MTR: variants seen among roughly 807,000 people sequenced by gnomAD.
MTR encodes the protein 5-methyltetrahydrofolate-homocysteine methyltransferase, also known as methionine synthase.
In MTR, 84 loss-of-function variants were observed where a neutral mutation model predicts 154.8. The observed-to-expected ratio is 0.54, with a 90% CI of 0.45 to 0.65. MTR has a LOEUF of 0.65. Ranked by LOEUF, MTR falls within the 30% of genes least tolerant of loss-of-function variation. MTR has a pLI of 0.00. For missense variants in MTR, 1,275 were observed against 1,570.2 expected (o/e 0.81, Z 3.18); for synonymous variants, 554 against 553.9 (o/e 1.00, Z 0.00).
Position 236,859,838 on chromosome 1 carries a change from A to C in MTR, c.1959A>C (p.Gln653His), listed in dbSNP as rs562769000. Reference protein sequence around the residue: ...TEKLLRYAQTQGTGGKKVIQT... With the variant: ...TEKLLRYAQTHGTGGKKVIQT... ...TGGTTTCAATTTCAATTCAGACTCA[A>C]GGCACAGGAGGGAAGAAAGTCATTC... The change falls in exon 19 of 33, where the codon CAA becomes CAC. Residue 653 changes from glutamine to histidine, a missense_variant. Gln to His is a conservative substitution (Grantham distance 24, BLOSUM62 0). Transcript: ENST00000366577. 1.7e-4 allele frequency: 273 copies of C among 1,613,692 alleles called. 6 individuals are homozygous for C. In the South Asian group the frequency reaches 2.9e-3, roughly 17 times the overall value.
chr1:236,820,373 ATT>A, intron 8 of MTR: 1 of 786,134 alleles, frequency 1.3e-6, no homozygotes, highest in Non-Finnish European at 2.3e-6. Flanking sequence ...GAGGTTGCAG[ATT>A]GGTCTGAGGC....
At chr1:236,859,003 A>G (rs185727125) in intron 18 of MTR, among the ~76,000 whole-genome samples, 1 of 152,328 alleles carries the variant, frequency 6.6e-6, no homozygotes, top group African/African-American at 2.4e-5. Context: ...CCCTTGACAT[A>G]TACTCCCTTT....
At chr1:236,840,078 G>A (rs1663143040) in intron 15 of MTR, among the ~76,000 whole-genome samples, 1 of 152,144 alleles carries the variant, frequency 6.6e-6, no homozygotes, top group South Asian at 2.1e-4. Flanking sequence ...TAGTAGGATT[G>A]TATGTACTTT....
At chr1:236,883,418 C>T (rs1665859986) in intron 25 of MTR, among the ~76,000 whole-genome samples, 1 of 152,080 alleles carries the variant, frequency 6.6e-6, no homozygotes, top group African/African-American at 2.4e-5. Context: ...CAAACTGCAG[C>T]GGTATGTTCT....
intron 27 of MTR, among the ~76,000 whole-genome samples, chr1:236,887,702 G>A (rs1666093285): frequency 1.3e-5 from 2 of 152,238 alleles, no homozygotes; most frequent in East Asian, 1.9e-4. Flanking sequence ...CTGCCCCAGG[G>A]CCATGGGCCA....
rs1666673214 is a variant in MTR at position 236,897,212 on chromosome 1, G to A, written c.3711+94G>A. ...AAATGTGAATGAGAATAAAGTGAGG[G>A]GAAAGGATGAAGAAATTTACTCCAG... On this transcript the variant is annotated intron_variant, in intron 32 of 32. Transcript: ENST00000366577. 11 of 1,016,910 alleles carry A rather than the reference G, an allele frequency of 1.1e-5. No homozygotes were observed. In the South Asian group the frequency reaches 1.1e-4, roughly 11 times the overall value. The allele number at this position is 1,016,910 out of a possible 1,614,324, so 63.0% of individuals were successfully genotyped here.
chr1:236,800,055 T>C, intron 1 of MTR: 1 of 985,324 alleles, frequency 1.0e-6, no homozygotes, highest in East Asian at 1.1e-4. Context: ...AGCTTATTAT[T>C]TCTGGATTGA....
intron 24 of MTR, among the ~76,000 whole-genome samples, chr1:236,880,271 G>A (rs1665653502): frequency 6.6e-6 from 1 of 152,236 alleles, no homozygotes; most frequent in South Asian, 2.1e-4. Context: ...TGGGGTTGGG[G>A]CTGAGGAGTG....
intron 11 of MTR, among the ~76,000 whole-genome samples, chr1:236,827,436 G>A (rs1208902209): frequency 2.0e-5 from 3 of 152,120 alleles, no homozygotes; most frequent in Non-Finnish European, 4.4e-5. Flanking sequence ...AATTTTCAAT[G>A]TTTTTCCATT....
chr1:236,875,107 A>C (rs1665357259), intron 24 of MTR, among the ~76,000 whole-genome samples: 3 of 151,906 alleles, frequency 2.0e-5, no homozygotes, highest in Admixed American at 1.3e-4. Flanking sequence ...TTTTCTTAAC[A>C]CTCTCACTTG....
intron 6 of MTR, among the ~76,000 whole-genome samples, chr1:236,814,532 T>A (rs1661481121): frequency 6.6e-6 from 1 of 152,214 alleles, no homozygotes; most frequent in South Asian, 2.1e-4. Context: ...GAGAGCTAAC[T>A]TTTTTCCTTT....
At chr1:236,797,245 C>T (rs1660445887) in intron 1 of MTR, among the ~76,000 whole-genome samples, 1 of 152,252 alleles carries the variant, frequency 6.6e-6, no homozygotes, top group African/African-American at 2.4e-5. Flanking sequence ...GTTTTAACTT[C>T]CTAATAACCC....
chr1:236,829,390 T>C (rs1461496568), intron 12 of MTR, 122 bp downstream of exon 12: 2 of 847,568 alleles, frequency 2.4e-6, no homozygotes, highest in Non-Finnish European at 4.1e-6. Context: ...AATCCATATA[T>C]TCTTGGCGCT....
rs374488362 is a variant in MTR at position 236,824,234 on chromosome 1, G to A, written c.865+15G>A. On this transcript the variant is annotated intron_variant, in intron 9 of 32. Coordinates refer to ENST00000366577, the MANE Select transcript of MTR (RefSeq NM_000254.3). ...TCCCAATGCAGGTGTGTGTTTCAAG[G>A]GGGTCACACATGGGGAGATAAAAAT... 11 of 1,579,940 alleles carry A rather than the reference G, an allele frequency of 7.0e-6. No homozygotes were observed. The African/African-American group carries it at 9.4e-5, about 14-fold the overall frequency.
Position 236,838,420 on chromosome 1 carries a change from T to C in MTR, c.1336T>C (p.Leu446=). The change falls in exon 15 of 33, where the codon TTG becomes CTG. Residue 446 remains leucine, a synonymous_variant. Transcript: ENST00000366577. The part of the protein sequence containing the change: ...ASEPDIAKVP[L]CIDSSNFAVI... Reference sequence around the variant, plus strand: ...CTTGCCTTTCTGATCTCAGGTACCTTTGTGCATCGACTCCTCCAATTTTGC... The same window carrying C: ...CTTGCCTTTCTGATCTCAGGTACCTCTGTGCATCGACTCCTCCAATTTTGC... 1 of 1,614,144 alleles carries C rather than the reference T, an allele frequency of 6.2e-7. No homozygotes were observed. The highest frequency in any genetic ancestry group is 8.5e-7 in the Non-Finnish European group (1 of 1,179,998).
intron 14 of MTR, among the ~76,000 whole-genome samples, chr1:236,836,485 C>T (rs1572237450): frequency 6.6e-6 from 1 of 152,320 alleles, no homozygotes; most frequent in African/African-American, 2.4e-5. Flanking sequence ...ATCCTCCTGC[C>T]TTGGCTTCCC....
At chr1:236,809,090 A>G (rs956025910) in intron 4 of MTR, among the ~76,000 whole-genome samples, 3 of 152,244 alleles carry the variant, frequency 2.0e-5, no homozygotes, top group African/African-American at 7.2e-5. Context: ...CTTTGGAAGC[A>G]CATCATCATG....
intron 15 of MTR, among the ~76,000 whole-genome samples, chr1:236,848,120 C>T (rs1183572776): frequency 6.6e-6 from 1 of 152,186 alleles, no homozygotes; most frequent in Admixed American, 6.5e-5. Context: ...TTGACAAGGG[C>T]TTCATCCTTA....
At position 236,795,586 on chromosome 1, in the gene MTR, C is replaced by T; in HGVS notation, c.-118C>T. The T allele has an allele frequency of 6.3e-7, 1 of 1,589,030 alleles. No individual in the cohort carries two copies. Among genetic ancestry groups the T allele is most frequent in the South Asian group, 1.1e-5 (1 of 89,198 alleles). On this transcript the variant is annotated 5_prime_UTR_variant, in exon 1 of 33. Coordinates refer to ENST00000366577, the MANE Select transcript of MTR (RefSeq NM_000254.3). ...CGAGCCAACGGGAGGCGTCAAAAGA[C>T]CCGGGCCTTGTGTGGCAGGCTCGCC...
Sources: gnomAD v4.1 joint callset for allele counts (sites outside exome capture counted in the v4.1 genomes callset) on GRCh38, gnomAD v4.1.1 for gene constraint, MANE v1.5 for transcripts, NCBI Gene and HGNC (gene_info 2026-07-23, HGNC 2026-07-21) for gene names.